The following CNIH3 variants were observed in gnomAD, a reference collection of about 807,000 sequenced individuals.
CNIH3 encodes the protein protein cornichon homolog 3.
Under a neutral mutation model 24.1 loss-of-function variants are expected in CNIH3, and 14 were observed. That is an observed-to-expected ratio of 0.58 (90% CI 0.38 to 0.91). CNIH3 has a LOEUF of 0.91. Among genes scored for constraint, CNIH3 ranks in the 40% least tolerant of loss-of-function variants. The pLI is 0.00. For synonymous variants in CNIH3, 68 were observed against 73.8 expected (o/e 0.92, Z 0.40); for missense variants, 178 against 196.8 (o/e 0.90, Z 0.57).
downstream of CNIH3, among the ~76,000 whole-genome samples, chr1:224,592,505 A>G (rs116704397): frequency 7.3e-3 from 1,106 of 152,316 alleles, 7 homozygotes; most frequent in African/African-American, 0.025. Flanking sequence ...TTTTCAGCAG[A>G]ATGCCTGAAA....
chr1:224,664,120 A>C (rs764710290), intron 1 of CNIH3, among the ~76,000 whole-genome samples: 1 of 152,164 alleles, frequency 6.6e-6, no homozygotes, highest in East Asian at 1.9e-4. Flanking sequence ...GGGGGTTTAT[A>C]TAGTGGGGAA....
At chr1:224,540,692 A>G (rs990564726), downstream of CNIH3, among the ~76,000 whole-genome samples, 2 of 152,200 alleles carry the variant, frequency 1.3e-5, no homozygotes, top group Non-Finnish European at 2.9e-5. Context: ...AGAATTTGTA[A>G]TGACAGCTTA....
chr1:224,450,680 A>G (rs887697422), intron 1 of CNIH3, among the ~76,000 whole-genome samples: 2 of 152,218 alleles, frequency 1.3e-5, no homozygotes, highest in Admixed American at 6.5e-5. Context: ...TTTAAGATGT[A>G]CTAGATACTT....
chr1:224,448,545 A>G lies in CNIH3; in HGVS notation n.203+13683A>G, dbSNP rs546441202. Among the ~76,000 whole-genome samples the G allele has an allele frequency of 3.9e-5, 6 of 152,330 alleles. No homozygotes were observed. The South Asian group carries it at 1.2e-3, about 32-fold the overall frequency. On this transcript the variant is annotated intron_variant and non_coding_transcript_variant, in intron 1 of 5. Coordinates refer to the CNIH3 transcript ENST00000471578. Reference sequence around the variant, plus strand: ...AAGTTTTCTTGGAGTAAGTGGGATCATGACTTCTGATCTGTTCTTTCTCTG... The same window carrying G: ...AAGTTTTCTTGGAGTAAGTGGGATCGTGACTTCTGATCTGTTCTTTCTCTG...
rs189409663 is a variant in CNIH3 at position 224,474,210 on chromosome 1, C to G, written n.203+39348C>G. ...AGAAACCCCGTCTCTACTAAAAATA[C>G]AAAATTAGCTGGGCATGGTGGTGCA... On this transcript the variant is annotated intron_variant and non_coding_transcript_variant, in intron 1 of 5. Transcript: ENST00000471578. Among the ~76,000 whole-genome samples the G allele has an allele frequency of 6.6e-5, 10 of 151,878 alleles. No individual in the cohort carries two copies. In the East Asian group the frequency reaches 2.0e-3, roughly 30 times the overall value.
intron 1 of CNIH3, among the ~76,000 whole-genome samples, chr1:224,481,027 A>G (rs1676787080): frequency 6.6e-6 from 1 of 152,266 alleles, no homozygotes; most frequent in African/African-American, 2.4e-5. Flanking sequence ...AAAGAGGTTT[A>G]TTGGACTTAC....
intron 1 of CNIH3, among the ~76,000 whole-genome samples, chr1:224,494,068 T>G (rs2124853003): frequency 6.6e-6 from 1 of 152,338 alleles, no homozygotes; most frequent in East Asian, 1.9e-4. Context: ...CTTTCAGTCT[T>G]TTAGCCTTAA....
chr1:224,652,237 G>A (rs1572661213), intron 1 of CNIH3, among the ~76,000 whole-genome samples: 1 of 152,068 alleles, frequency 6.6e-6, no homozygotes, highest in Admixed American at 6.5e-5. Context: ...GGCATGACCA[G>A]ATGGGAGCAA....
chr1:224,688,891 C>T (rs999504804), intron 3 of CNIH3, among the ~76,000 whole-genome samples: 14 of 149,660 alleles, frequency 9.4e-5, no homozygotes, highest in Admixed American at 2.7e-4. Context: ...CGCCATTGCA[C>T]TCCAGCCTGG....
intron 3 of CNIH3, among the ~76,000 whole-genome samples, chr1:224,553,136 A>G (rs1206678465): frequency 6.8e-6 from 1 of 147,672 alleles, no homozygotes. Context: ...CAGGGTGTAC[A>G]CTCCCTGTGA....
intron 1 of CNIH3, among the ~76,000 whole-genome samples, 170 bp downstream of exon 1, chr1:224,617,425 T>G (rs1490000339): frequency 1.3e-5 from 2 of 152,184 alleles, no homozygotes. Context: ...CGGGCGCGCC[T>G]TCGGTGCCCT....
intron 5 of CNIH3, among the ~76,000 whole-genome samples, chr1:224,585,652 CT>C (rs201787338): frequency 0.083 from 12,073 of 145,394 alleles, 532 homozygotes; most frequent in East Asian, 0.21. Context: ...AATTTAAAAA[CT>C]TTTTTTTTTT....
intron 2 of CNIH3, among the ~76,000 whole-genome samples, chr1:224,523,616 C>T (rs1678728077): frequency 6.6e-6 from 1 of 151,980 alleles, no homozygotes; most frequent in Admixed American, 6.6e-5. Flanking sequence ...CTCAACCTGG[C>T]GATGGTTACA....
At chr1:224,510,614 A>AC (rs201048247) in intron 1 of CNIH3, among the ~76,000 whole-genome samples, 39,526 of 149,396 alleles carry the variant, frequency 0.26, 6,334 homozygotes, top group African/African-American at 0.45. Flanking sequence ...AAAAACAAAA[A>AC]AAAAACAAAA....
intron 3 of CNIH3, among the ~76,000 whole-genome samples, chr1:224,686,833 C>T (rs535277982): frequency 6.6e-6 from 1 of 152,356 alleles, no homozygotes; most frequent in East Asian, 1.9e-4. Context: ...TGAAAGTAAG[C>T]ACACTATGCA....
At position 224,458,288 on chromosome 1, in the gene CNIH3, C is replaced by A. The variant is rs890371266; in HGVS notation, n.203+23426C>A. Among the ~76,000 whole-genome samples the A allele has an allele frequency of 3.9e-5, 6 of 152,166 alleles. No individual in the cohort carries two copies. Among genetic ancestry groups the A allele is most frequent in the Admixed American group, 1.3e-4 (2 of 15,274 alleles). ...GGTCCCGTAGTCCCTGTGTGGTCAG[C>A]AGGGAAGGCAGCAGTGCTCTGTCAG... On this transcript the variant is annotated intron_variant and non_coding_transcript_variant, in intron 1 of 5. Transcript: ENST00000471578. The surrounding 1 kb of genome is among the most constrained non-coding windows in gnomAD (Gnocchi z 4.3).
chr1:224,613,768 C>T (rs189062723), upstream of CNIH3, among the ~76,000 whole-genome samples: 70 of 152,320 alleles, frequency 4.6e-4, 2 homozygotes, highest in Admixed American at 2.4e-3. Context: ...TGAATAAAAG[C>T]AACCCTGAGG....
At chr1:224,706,493 T>C (rs1236612260) in intron 3 of CNIH3, among the ~76,000 whole-genome samples, 2 of 152,168 alleles carry the variant, frequency 1.3e-5, no homozygotes, top group Non-Finnish European at 2.9e-5. Flanking sequence ...AGTGCGGAGA[T>C]CTACCTGTCT....
chr1:224,662,387 A>C (rs147142440), intron 1 of CNIH3, among the ~76,000 whole-genome samples: 7 of 152,314 alleles, frequency 4.6e-5, no homozygotes, highest in African/African-American at 1.2e-4. Context: ...TATTTTCACC[A>C]ATAACTCAGA....
Sources: gnomAD v4.1 joint callset for allele counts (sites outside exome capture counted in the v4.1 genomes callset) on GRCh38, gnomAD v4.1.1 for gene constraint, Gnocchi (gnomAD v3.1) non-coding constraint, MANE v1.5 for transcripts, NCBI Gene and HGNC (gene_info 2026-07-23, HGNC 2026-07-21) for gene names.